The following MPP3 variants were observed in gnomAD, a reference collection of about 807,000 sequenced individuals.
MPP3 encodes the protein MAGUK p55 subfamily member 3.
MPP3 carries 48 observed loss-of-function variants against 80.7 expected under a neutral mutation model. That is an observed-to-expected ratio of 0.59 (90% CI 0.47 to 0.76). The LOEUF (loss-of-function observed/expected upper bound fraction) is 0.76, where lower values mean the gene tolerates loss of function less well. Ranked by LOEUF, MPP3 falls within the 30% of genes least tolerant of loss-of-function variation. MPP3 has a pLI of 0.00. For synonymous variants in MPP3, 311 were observed against 297.6 expected (o/e 1.04, Z -0.46); for missense variants, 620 against 763.0 (o/e 0.81, Z 2.21).
chr17:43,820,462 C>T (rs1165565536), intron 11 of MPP3, among the ~76,000 whole-genome samples: 3 of 151,662 alleles, frequency 2.0e-5, no homozygotes, highest in Non-Finnish European at 4.4e-5. Flanking sequence ...CATGGTGGTG[C>T]ACGCCTGTAA....
chr17:43,820,485 A>G (rs562016569), intron 11 of MPP3, among the ~76,000 whole-genome samples: 2 of 151,596 alleles, frequency 1.3e-5, no homozygotes, highest in Admixed American at 6.6e-5. Context: ...TCAGCTACTC[A>G]GGAGGCTGAG....
rs11651306 is a variant in MPP3, at chr17:43,808,403, A to C, written c.1581+553T>G. On this transcript the variant is annotated intron_variant, in intron 19 of 19. Transcript: ENST00000398389. ...CCTGGAAGAACTCTGTCAAATATTT[A>C]GGTTTTGGGTGAGGGTCTCGCCATC... is the stretch of plus-strand genomic sequence containing the variant. Among the ~76,000 whole-genome samples the C allele has an allele frequency of 8.6e-3, 1,313 of 152,330 alleles. 15 individuals are homozygous for C. The highest frequency in any genetic ancestry group is 0.015 in the Non-Finnish European group (1,032 of 68,016).
rs555726974 is a variant in MPP3 at position 43,814,245 on chromosome 17, T to C, written c.1126A>G (p.Arg376Gly). 4.3e-6 allele frequency: 7 copies of C among 1,613,624 alleles called. No individual in the cohort carries two copies. In the South Asian group the frequency reaches 6.6e-5, roughly 15 times the overall value. Residue 376 changes from arginine to glycine, a missense_variant, in exon 15 of 20, where the codon AGG (arginine) becomes GGG (glycine). Arg to Gly is a moderately radical substitution (Grantham distance 125). Coordinates refer to ENST00000398389, the MANE Select transcript of MPP3 (RefSeq NM_001932.6). Reference protein sequence around the residue: ...PELLTYEEVARYQHQPGERPR... With the variant: ...PELLTYEEVAGYQHQPGERPR... ...CGCTCTCCGGGCTGGTGTTGGTACC[T>C]GGCCACCTCTTCGTAAGTCAGCAGC...
intron 19 of MPP3, among the ~76,000 whole-genome samples, chr17:43,804,450 C>G (rs1331487236): frequency 2.6e-5 from 4 of 152,162 alleles, no homozygotes; most frequent in African/African-American, 9.7e-5. Context: ...AGAAAATAGT[C>G]TTTTCAACCA....
chr17:43,829,914 G>C (rs752519224), intron 6 of MPP3, 113 bp downstream of exon 6: 33 of 1,548,826 alleles, frequency 2.1e-5, no homozygotes, highest in Non-Finnish European at 2.9e-5. Context: ...CCAGACACTA[G>C]TGCTGAGGAT....
intron 11 of MPP3, among the ~76,000 whole-genome samples, chr17:43,820,523 T>G (rs1028304685): frequency 7.1e-6 from 1 of 140,998 alleles, no homozygotes; most frequent in Non-Finnish European, 1.5e-5. Flanking sequence ...ACCCGGGAGG[T>G]GGAGGTTGCA....
In MPP3 at chr17:43,828,498, T is replaced by G. The variant is rs139970763; in HGVS notation, c.442-666A>C. Among the ~76,000 whole-genome samples, 115 of 152,322 alleles carry G rather than the reference T, an allele frequency of 7.5e-4. 1 individual carries two copies. The highest frequency in any genetic ancestry group is 2.6e-3 in the African/African-American group (107 of 41,584). ...ACAGTTCTGCCGTTTACAAAAAGCA[T>G]GTGGACTTAACAAGGAAATCTCTTA... is the stretch of plus-strand genomic sequence containing the variant. On this transcript the variant is annotated intron_variant, in intron 7 of 19. Coordinates refer to ENST00000398389, the MANE Select transcript of MPP3 (RefSeq NM_001932.6).
intron 6 of MPP3, 114 bp from the exon 7 acceptor site, chr17:43,829,905 C>T (rs2045883253): frequency 6.4e-7 from 1 of 1,557,274 alleles, no homozygotes; most frequent in African/African-American, 1.4e-5. Flanking sequence ...GACAACTGCC[C>T]AGACACTAGT....
At chr17:43,804,670 A>C (rs963431988) in intron 19 of MPP3, among the ~76,000 whole-genome samples, 1 of 152,190 alleles carries the variant, frequency 6.6e-6, no homozygotes, top group African/African-American at 2.4e-5. Flanking sequence ...TATAAATGAC[A>C]AAAGAAAAAA....
rs1478823505 is a variant in MPP3 at position 43,832,765 on chromosome 17, G to C, written c.-42C>G. The C allele has an allele frequency of 6.6e-6, 1 of 152,154 alleles. No individual in the cohort carries two copies. The highest frequency in any genetic ancestry group is 2.0e-4 in the South Asian group (1 of 4,906). The allele number at this position is 152,154 out of a possible 1,614,324, so 9.4% of individuals were successfully genotyped here. A position where few individuals can be genotyped will look rare whatever the true frequency, so the allele number is the denominator to read the frequency against. On this transcript the variant is annotated 5_prime_UTR_variant, in exon 2 of 20. Coordinates refer to ENST00000398389, the MANE Select transcript of MPP3 (RefSeq NM_001932.6). ...GCCACGCCACGCCGGACTCACCCTC[G>C]GGCTGCTCCCCGCAGGAGGCCGAGC...
intron 18 of MPP3, among the ~76,000 whole-genome samples, chr17:43,809,468 C>T (rs916450700): frequency 6.6e-6 from 1 of 152,172 alleles, no homozygotes; most frequent in Non-Finnish European, 1.5e-5. Flanking sequence ...TGTCATCAAT[C>T]GGACTACATT....
Position 43,818,011 on chromosome 17 carries a change from C to A in MPP3, c.946+35G>T, listed in dbSNP as rs372147588. On this transcript the variant is annotated intron_variant, in intron 12 of 19. Transcript: ENST00000398389. The stretch of plus-strand genomic sequence containing the variant: ...ATCCTCCCTCGCCCTAACCCCGGGC[C>A]CTCCCTGGAGTGCCATCCCTGACAA... 2.0e-4 allele frequency: 303 copies of A among 1,540,350 alleles called. 1 individual carries two copies. In the African/African-American group the frequency reaches 3.9e-3, roughly 20 times the overall value.
chr17:43,827,325 TTTTC>T (rs1567825129), intron 8 of MPP3, among the ~76,000 whole-genome samples: 1 of 143,722 alleles, frequency 7.0e-6, no homozygotes, highest in African/African-American at 2.6e-5. Context: ...TTTTTTTTTT[TTTTC>T]TTTTTTTTTT....
rs2044410179 is a variant in MPP3 at position 43,801,615 on chromosome 17, G to A, written c.*86C>T. ...TGTGGAGAATTCTCTCCCTCTCTGC[G>A]CTTGAGATTCCTTGATGGTAAAATG... On this transcript the variant is annotated 3_prime_UTR_variant, in exon 20 of 20. Transcript: ENST00000398389. The A allele has an allele frequency of 9.3e-6, 12 of 1,294,632 alleles. No individual in the cohort carries two copies. The highest frequency in any genetic ancestry group is 6.3e-5 in the South Asian group (5 of 79,530). The allele number at this position is 1,294,632 out of a possible 1,614,324, so 80.2% of individuals were successfully genotyped here.
At position 43,800,949 on chromosome 17, in the gene MPP3, A is replaced by G. The variant is rs893541654; in HGVS notation, c.*752T>C. On this transcript the variant is annotated 3_prime_UTR_variant, in exon 20 of 20. Coordinates refer to ENST00000398389, the MANE Select transcript of MPP3 (RefSeq NM_001932.6). ...GATCTCATGGCAGGGACTGGCTAGG[A>G]CCAAGGCAACTGTCAGTAACAAAAG... 6.6e-6 allele frequency: 1 copy of G among 152,190 alleles called. No homozygotes were observed. Among genetic ancestry groups the G allele is most frequent in the Non-Finnish European group, 1.5e-5 (1 of 68,052 alleles). The allele number at this position is 152,190 out of a possible 1,614,324, so 9.4% of individuals were successfully genotyped here.
intron 9 of MPP3, 87 bp from the exon 10 acceptor site, chr17:43,824,092 TGTTCAGAAA>T: frequency 4.2e-6 from 4 of 963,746 alleles, no homozygotes; most frequent in Non-Finnish European, 6.2e-6. Flanking sequence ...TAAAAACTGA[TGTTCAGAAA>T]GTCAGACTTG....
rs371167625 is a variant in MPP3, at chr17:43,811,619, G to C, written c.1256-414C>G. 1.9e-4 allele frequency: 31 copies of C among 161,876 alleles called. No homozygotes were observed. In the East Asian group the frequency reaches 2.0e-3, roughly 10 times the overall value. The allele number at this position is 161,876 out of a possible 1,614,324, so 10.0% of individuals were successfully genotyped here. Reference sequence around the variant, plus strand: ...TTGTTTTGTTTTTTGTTTTGAGACGGAGTTTTGCTCGTTCCCCAGGCTACA... The same window carrying C: ...TTGTTTTGTTTTTTGTTTTGAGACGCAGTTTTGCTCGTTCCCCAGGCTACA... On this transcript the variant is annotated intron_variant, in intron 16 of 19. Coordinates refer to ENST00000398389, the MANE Select transcript of MPP3 (RefSeq NM_001932.6).
At chr17:43,818,951 G>T (rs1467643780) in intron 11 of MPP3, 1 of 145,854 alleles carries the variant, frequency 6.9e-6, no homozygotes, top group Non-Finnish European at 1.5e-5. Context: ...AAAAAAAAAT[G>T]CAGCTGAAGA....
intron 16 of MPP3, among the ~76,000 whole-genome samples, chr17:43,812,084 C>T (rs1024413703): frequency 1.3e-5 from 2 of 152,202 alleles, no homozygotes; most frequent in African/African-American, 2.4e-5. Context: ...CTATATAGAT[C>T]GGATGTGTTT....
Sources: gnomAD v4.1 joint callset for allele counts (sites outside exome capture counted in the v4.1 genomes callset) on GRCh38, gnomAD v4.1.1 for gene constraint, MANE v1.5 for transcripts, NCBI Gene and HGNC (gene_info 2026-07-23, HGNC 2026-07-21) for gene names.